CDKAL1: variants seen among roughly 807,000 people sequenced by gnomAD.
CDKAL1 encodes the protein CDKAL1 threonylcarbamoyladenosine tRNA methylthiotransferase.
Under a neutral mutation model 68.2 loss-of-function variants are expected in CDKAL1, and 32 were observed. That is an observed-to-expected ratio of 0.47 (90% CI 0.35 to 0.63). CDKAL1 has a LOEUF of 0.63. Ranked by LOEUF, CDKAL1 falls within the 30% of genes least tolerant of loss-of-function variation. The pLI is 0.00. For synonymous variants in CDKAL1, 234 were observed against 244.3 expected (o/e 0.96, Z 0.39); for missense variants, 606 against 696.7 (o/e 0.87, Z 1.47).
chr6:20,843,402 G>A (rs559240281), intron 8 of CDKAL1, among the ~76,000 whole-genome samples: 7 of 151,906 alleles, frequency 4.6e-5, no homozygotes, highest in Middle Eastern at 3.4e-3. Flanking sequence ...AGCACAGATT[G>A]AATATCCCTT....
intron 12 of CDKAL1, among the ~76,000 whole-genome samples, chr6:21,080,651 C>A (rs547717236): frequency 6.6e-6 from 1 of 152,306 alleles, no homozygotes; most frequent in East Asian, 1.9e-4. Context: ...TGCCTACCTG[C>A]CACAGAGCAC....
intron 10 of CDKAL1, among the ~76,000 whole-genome samples, chr6:20,956,191 T>G (rs1179968171): frequency 1.3e-5 from 2 of 152,218 alleles, no homozygotes; most frequent in African/African-American, 4.8e-5. Flanking sequence ...AGAATTTCCT[T>G]CCTTGTTTTT....
chr6:20,619,369 T>C (rs1453707022), intron 4 of CDKAL1, among the ~76,000 whole-genome samples: 7 of 152,158 alleles, frequency 4.6e-5, no homozygotes, highest in South Asian at 2.1e-4. Context: ...AGAGAGTGGA[T>C]GTAAAAGTGT....
At position 20,863,991 on chromosome 6, in the gene CDKAL1, T is replaced by C. The variant is rs115087817; in HGVS notation, c.742+17813T>C. 4.5e-3 allele frequency among the ~76,000 whole-genome samples: 687 copies of C among 152,322 alleles called. 6 individuals are homozygous for C. The highest frequency in any genetic ancestry group is 0.015 in the African/African-American group (643 of 41,578). On this transcript the variant is annotated intron_variant, in intron 9 of 15. Transcript: ENST00000274695. ...CTGACTTGGAGATGTAATTCACTTA[T>C]GTAATTTGTTTTAGTAAAAAAAGGA...
chr6:20,842,826 C>T (rs945373181), intron 8 of CDKAL1, among the ~76,000 whole-genome samples: 4 of 152,058 alleles, frequency 2.6e-5, no homozygotes, highest in Non-Finnish European at 4.4e-5. Flanking sequence ...AACGAAACTC[C>T]GTCTCAAAAA....
At chr6:20,774,086 C>G (rs142672931) in intron 7 of CDKAL1, among the ~76,000 whole-genome samples, 2 of 152,204 alleles carry the variant, frequency 1.3e-5, no homozygotes, top group East Asian at 3.9e-4. Context: ...CATGAGTCCT[C>G]TCTGGTGGTA....
intron 9 of CDKAL1, among the ~76,000 whole-genome samples, chr6:20,944,872 T>C (rs1764161164): frequency 6.6e-6 from 1 of 152,210 alleles, no homozygotes; most frequent in Admixed American, 6.5e-5. Flanking sequence ...TTCTTAGAAA[T>C]TTTAAATTGA....
At chr6:20,810,823 T>G (rs1776784776) in intron 8 of CDKAL1, among the ~76,000 whole-genome samples, 1 of 152,072 alleles carries the variant, frequency 6.6e-6, no homozygotes, top group African/African-American at 2.4e-5. Flanking sequence ...CAGTTAGTGC[T>G]CTTGTTCATT....
intron 4 of CDKAL1, among the ~76,000 whole-genome samples, chr6:20,580,039 G>C (rs561896637): frequency 1.3e-5 from 2 of 152,274 alleles, no homozygotes; most frequent in South Asian, 2.1e-4. Context: ...ATAGTAGATT[G>C]GTGTTTCTGG....
At chr6:20,881,338 G>A (rs1760805925) in intron 9 of CDKAL1, among the ~76,000 whole-genome samples, 1 of 152,112 alleles carries the variant, frequency 6.6e-6, no homozygotes, top group South Asian at 2.1e-4. Flanking sequence ...TTTCACCTTT[G>A]ATTTATGAAT....
chr6:20,932,178 AAGG>A (rs1335389411), intron 9 of CDKAL1, among the ~76,000 whole-genome samples: 13 of 152,318 alleles, frequency 8.5e-5, no homozygotes, highest in African/African-American at 2.9e-4. Flanking sequence ...AACAAAATTT[AAGG>A]AGGAGATTTT....
At chr6:20,840,439 TAAGAGCAAA>T (rs912767485) in intron 8 of CDKAL1, among the ~76,000 whole-genome samples, 2 of 152,080 alleles carry the variant, frequency 1.3e-5, no homozygotes, top group African/African-American at 4.8e-5. Flanking sequence ...GGGAATAGAG[TAAGAGCAAA>T]TACAGCTGCA....
At chr6:20,727,312 T>A (rs1772698991) in intron 5 of CDKAL1, among the ~76,000 whole-genome samples, 1 of 152,120 alleles carries the variant, frequency 6.6e-6, no homozygotes, top group Non-Finnish European at 1.5e-5. Flanking sequence ...ATCAAAATGA[T>A]AAAGGACAGA....
chr6:20,929,957 T>C (rs1763354973), intron 9 of CDKAL1, among the ~76,000 whole-genome samples: 2 of 152,218 alleles, frequency 1.3e-5, no homozygotes, highest in African/African-American at 4.8e-5. Flanking sequence ...TGAAACTGTG[T>C]TTTCTTTTTT....
At chr6:20,901,408 C>T (rs1435045034) in intron 9 of CDKAL1, among the ~76,000 whole-genome samples, 1 of 152,018 alleles carries the variant, frequency 6.6e-6, no homozygotes, top group Non-Finnish European at 1.5e-5. Flanking sequence ...GGCGCTGTGG[C>T]TCACACCTGT....
chr6:20,815,000 C>G (rs1323505890), intron 8 of CDKAL1, among the ~76,000 whole-genome samples: 1 of 152,204 alleles, frequency 6.6e-6, no homozygotes, highest in Admixed American at 6.5e-5. Context: ...GTGAGCTCAT[C>G]TTGTCTGTTT....
chr6:20,575,705 C>G (rs1452992227), intron 4 of CDKAL1, among the ~76,000 whole-genome samples: 1 of 152,138 alleles, frequency 6.6e-6, no homozygotes, highest in East Asian at 1.9e-4. Context: ...TTCAGTATAG[C>G]ACTTGACATT....
chr6:21,127,530 A>C (rs1422150781), intron 13 of CDKAL1, among the ~76,000 whole-genome samples: 1 of 152,184 alleles, frequency 6.6e-6, no homozygotes, highest in Non-Finnish European at 1.5e-5. Flanking sequence ...TCAGCAGATC[A>C]TTTGAGGTCA....
chr6:20,781,668 T>A (rs1775437566), intron 8 of CDKAL1, among the ~76,000 whole-genome samples: 2 of 152,350 alleles, frequency 1.3e-5, no homozygotes, highest in Admixed American at 1.3e-4. Context: ...ATTCACTATT[T>A]GAAATGCATA....
Sources: allele counts gnomAD v4.1 joint callset (sites outside exome capture counted in the v4.1 genomes callset), GRCh38; gene constraint gnomAD v4.1.1; transcripts MANE v1.5; gene names NCBI Gene and HGNC (gene_info 2026-07-23, HGNC 2026-07-21).